The following MDGA1 variants were observed in gnomAD, a reference collection of about 807,000 sequenced individuals.
MDGA1 encodes the protein MAM domain-containing glycosylphosphatidylinositol anchor protein 1.
A neutral mutation model predicts 101.5 loss-of-function variants in MDGA1; 54 were observed. The ratio of observed to expected loss-of-function variants is 0.53; its 90% CI spans 0.43 to 0.67. The LOEUF (loss-of-function observed/expected upper bound fraction) is 0.67. Among genes scored for constraint, MDGA1 ranks in the 30% least tolerant of loss-of-function variants. The pLI is 0.00. For synonymous variants in MDGA1, 533 were observed against 558.3 expected (o/e 0.95, Z 0.64); for missense variants, 1,083 against 1,323.8 (o/e 0.82, Z 2.82).
chr6:37,653,737 T>C (rs1218011364), intron 6 of MDGA1, among the ~76,000 whole-genome samples: 3 of 152,236 alleles, frequency 2.0e-5, no homozygotes, highest in African/African-American at 7.2e-5. Flanking sequence ...AGAAAAATGT[T>C]TATACTTCTT....
At chr6:37,657,364 C>T (rs1354985682) in intron 3 of MDGA1, among the ~76,000 whole-genome samples, 1 of 152,196 alleles carries the variant, frequency 6.6e-6, no homozygotes, top group Non-Finnish European at 1.5e-5. Context: ...CATCATTCTG[C>T]CCCTTCCACA....
Position 37,660,408 on chromosome 6 carries a change from T to C in MDGA1, c.208-1989A>G, listed in dbSNP as rs570356719. ...TTGTAGCTTCTCATTCTATCCTCCA[T>C]GTCTCTCAACTTCTTTTTCACATCT... On this transcript the variant is annotated intron_variant, in intron 2 of 16. Coordinates refer to ENST00000434837, the MANE Select transcript of MDGA1 (RefSeq NM_153487.4). 5.3e-5 allele frequency among the ~76,000 whole-genome samples: 8 copies of C among 152,234 alleles called. No homozygotes were observed. In the South Asian group the frequency reaches 6.2e-4, roughly 12 times the overall value.
intron 1 of MDGA1, among the ~76,000 whole-genome samples, chr6:37,684,532 T>C (rs1762158456): frequency 6.6e-6 from 1 of 152,202 alleles, no homozygotes; most frequent in African/African-American, 2.4e-5. Flanking sequence ...CACAGGAGAA[T>C]GAGAAAGAAA....
chr6:37,643,829 T>A lies in MDGA1; in HGVS notation c.2516A>T (p.His839Leu), dbSNP rs977179623. 1 of 1,613,840 alleles carries A rather than the reference T, an allele frequency of 6.2e-7. No homozygotes were observed. The highest frequency in any genetic ancestry group is 1.7e-5 in the Admixed American group (1 of 59,998). Residue 839 changes from histidine to leucine, a missense_variant, in exon 14 of 17, where the codon CAC (histidine) becomes CTC (leucine). This residue lies in a region of MDGA1 where 657 missense variants were observed against 771.4 expected (regional missense o/e 0.85). Transcript: ENST00000434837. ...CTCACCGATGTGTTTCCCGTACATG[T>A]GGTAGAAGAAGGAGACACAGTAGAA... ...AKFYCVSFFYHMYGKHIGSLN... is the reference protein window; with the variant it reads ...AKFYCVSFFYLMYGKHIGSLN...
At chr6:37,693,360 G>A (rs528061423) in intron 1 of MDGA1, among the ~76,000 whole-genome samples, 2 of 152,340 alleles carry the variant, frequency 1.3e-5, no homozygotes, top group South Asian at 2.1e-4. Context: ...TCTGTAAGCT[G>A]TGTTGCTCTT....
At chr6:37,689,536 C>T (rs1040905221) in intron 1 of MDGA1, among the ~76,000 whole-genome samples, 6 of 152,222 alleles carry the variant, frequency 3.9e-5, no homozygotes, top group South Asian at 2.1e-4. Flanking sequence ...GCAGTGAGTA[C>T]GATGATCTCC....
chr6:37,684,718 T>C (rs1762162592), intron 1 of MDGA1, among the ~76,000 whole-genome samples: 2 of 152,194 alleles, frequency 1.3e-5, no homozygotes, highest in South Asian at 4.1e-4. Flanking sequence ...CTCCTTGCCA[T>C]ACCCTCGTGC....
At chr6:37,683,974 C>A (rs932669405) in intron 1 of MDGA1, among the ~76,000 whole-genome samples, 1 of 152,174 alleles carries the variant, frequency 6.6e-6, no homozygotes, top group African/African-American at 2.4e-5. Flanking sequence ...CCACATATTG[C>A]CTAATGACCC....
At chr6:37,693,610 G>A (rs12525618) in intron 1 of MDGA1, among the ~76,000 whole-genome samples, 21,324 of 152,240 alleles carry the variant, frequency 0.14, 1,634 homozygotes, top group African/African-American at 0.19. Flanking sequence ...AGCAGAAGCC[G>A]GGACAGAAGG....
Position 37,643,809 on chromosome 6 carries a change from C to T in MDGA1, c.2536G>A (p.Gly846Ser), listed in dbSNP as rs1270272647. ...FFYHMYGKHI[G>S]SLNLLVRSRN... Reference sequence around the variant, plus strand: ...GAGACTACCTGGCCCCCCAACTCACCGATGTGTTTCCCGTACATGTGGTAG... The same window carrying T: ...GAGACTACCTGGCCCCCCAACTCACTGATGTGTTTCCCGTACATGTGGTAG... Residue 846 changes from glycine (G) to serine (S), a missense_variant and splice_region_variant, in exon 14 of 17, where the codon GGC becomes AGC. Physicochemically the swap from Gly to Ser is moderately conservative, Grantham distance 56. Transcript: ENST00000434837. 7 of 1,613,888 alleles carry T rather than the reference C, an allele frequency of 4.3e-6. No individual in the cohort carries two copies. The highest frequency in any genetic ancestry group is 5.9e-6 in the Non-Finnish European group (7 of 1,179,816).
rs769112830 is a variant in MDGA1, at chr6:37,645,943, C to T, written c.2238G>A (p.Pro746=). 24 of 1,613,828 alleles carry T rather than the reference C, an allele frequency of 1.5e-5. No individual in the cohort carries two copies. Among genetic ancestry groups the T allele is most frequent in the Admixed American group, 3.3e-5 (2 of 59,996 alleles). Reference sequence around the variant, plus strand: ...ACTGGGGAGTCTCACCTGAAAGGTTCGGAGAGTTGATGGCTGAGAAAGCAA... The same window carrying T: ...ACTGGGGAGTCTCACCTGAAAGGTTTGGAGAGTTGATGGCTGAGAAAGCAA... ...IIHYTEPINS[P]NLSDNTCHFE... is the part of the protein sequence containing the mutation. Residue 746 remains proline (P), a synonymous_variant, in exon 12 of 17, where the codon CCG becomes CCA. Coordinates refer to ENST00000434837, the MANE Select transcript of MDGA1 (RefSeq NM_153487.4).
At chr6:37,686,705 G>A (rs999733381) in intron 1 of MDGA1, among the ~76,000 whole-genome samples, 80 of 152,246 alleles carry the variant, frequency 5.3e-4, no homozygotes, top group African/African-American at 1.9e-3. Context: ...GGGATTACAG[G>A]TGTGAGTCAC....
intron 14 of MDGA1, among the ~76,000 whole-genome samples, chr6:37,640,976 AC>A (rs1194219405): frequency 6.6e-6 from 1 of 152,068 alleles, no homozygotes; most frequent in East Asian, 1.9e-4. Context: ...TCAAGGTCCC[AC>A]CCCCTGCTGG....
At chr6:37,647,150 G>GC in intron 10 of MDGA1, 23 bp downstream of exon 10, 1 of 1,580,528 alleles carries the variant, frequency 6.3e-7, no homozygotes, top group Non-Finnish European at 8.6e-7. Context: ...CTGCCCCCAG[G>GC]CCCCCGCTCC....
At chr6:37,666,202 A>C (rs1292738820) in intron 1 of MDGA1, among the ~76,000 whole-genome samples, 2 of 151,438 alleles carry the variant, frequency 1.3e-5, no homozygotes, top group Non-Finnish European at 2.9e-5. Flanking sequence ...AAAAAAAAAA[A>C]AAAAAAATTT....
At chr6:37,637,484 C>T (rs756315936) in intron 16 of MDGA1, 25 bp from the exon 17 acceptor site, 1 of 1,601,294 alleles carries the variant, frequency 6.2e-7, no homozygotes, top group Non-Finnish European at 8.6e-7. Context: ...AAAGAGGAGA[C>T]AGGCCAGGGC....
Position 37,674,961 on chromosome 6 carries a change from G to A in MDGA1, c.68-10855C>T, listed in dbSNP as rs188206584. The stretch of plus-strand genomic sequence containing the variant: ...AATCCCAGCTACTTGGGAGGCTGAG[G>A]CGGGAGAATCACTTGAACCTGGGAG... On this transcript the variant is annotated intron_variant, in intron 1 of 16. Coordinates refer to ENST00000434837, the MANE Select transcript of MDGA1 (RefSeq NM_153487.4). Among the ~76,000 whole-genome samples, 242 of 152,356 alleles carry A rather than the reference G, an allele frequency of 1.6e-3. 1 individual carries two copies. Among genetic ancestry groups the A allele is most frequent in the African/African-American group, 5.6e-3 (234 of 41,582 alleles).
intron 1 of MDGA1, among the ~76,000 whole-genome samples, chr6:37,686,207 C>T (rs80271941): frequency 0.018 from 2,732 of 152,216 alleles, 72 homozygotes; most frequent in African/African-American, 0.062. Context: ...CAGACTCAGC[C>T]GACAGGCCTG....
chr6:37,687,737 G>A (rs1762226384), intron 1 of MDGA1, among the ~76,000 whole-genome samples: 1 of 152,032 alleles, frequency 6.6e-6, no homozygotes, highest in African/African-American at 2.4e-5. Flanking sequence ...CTCCCAATGT[G>A]CTGGGATTAC....
Sources: allele counts gnomAD v4.1 joint callset (sites outside exome capture counted in the v4.1 genomes callset), GRCh38; gene constraint gnomAD v4.1.1; regional missense constraint gnomAD v4.1.1; transcripts MANE v1.5; gene names NCBI Gene and HGNC (gene_info 2026-07-23, HGNC 2026-07-21).